The following GPC5 variants were observed in gnomAD, a reference collection of about 807,000 sequenced individuals.
GPC5 encodes the protein glypican 5.
Under a neutral mutation model 53.9 loss-of-function variants are expected in GPC5, and 47 were observed. That is an observed-to-expected ratio of 0.87 (90% CI 0.69 to 1.11). The LOEUF is 1.11. Ranked by LOEUF, GPC5 falls within the 50% of genes most tolerant of loss-of-function variation. The probability of loss-of-function intolerance (pLI) is 0.00; values close to 1 mark genes in which losing one functional copy is unlikely to be tolerated. For synonymous variants in GPC5, 286 were observed against 263.3 expected (o/e 1.09, Z -0.84); for missense variants, 748 against 713.1 (o/e 1.05, Z -0.56).
intron 7 of GPC5, among the ~76,000 whole-genome samples, chr13:92,552,341 A>G (rs1420119693): frequency 1.3e-5 from 2 of 151,980 alleles, no homozygotes; most frequent in Non-Finnish European, 2.9e-5. Flanking sequence ...AACAGAAAAA[A>G]GAAAAAGAAG....
intron 2 of GPC5, among the ~76,000 whole-genome samples, chr13:91,592,596 C>G (rs2032842700): frequency 6.6e-6 from 1 of 152,216 alleles, no homozygotes; most frequent in Non-Finnish European, 1.5e-5. Flanking sequence ...GGCTCCTCTC[C>G]TGCTCTGGTG....
chr13:91,516,741 A>G (rs1885521941), intron 2 of GPC5, among the ~76,000 whole-genome samples: 1 of 152,178 alleles, frequency 6.6e-6, no homozygotes, highest in Non-Finnish European at 1.5e-5. Context: ...GTTCTTCATG[A>G]GGGCCCTGCC....
At chr13:92,408,488 T>C in intron 7 of GPC5, among the ~76,000 whole-genome samples, 1 of 152,094 alleles carries the variant, frequency 6.6e-6, no homozygotes, top group Non-Finnish European at 1.5e-5. Flanking sequence ...GTTTTATATA[T>C]TTAAGTCATC....
intron 7 of GPC5, among the ~76,000 whole-genome samples, chr13:92,212,052 C>T (rs564865792): frequency 1.3e-5 from 2 of 151,170 alleles, no homozygotes; most frequent in South Asian, 4.2e-4. Flanking sequence ...GAGCCCTGTT[C>T]CGCAGGTGGT....
chr13:92,656,387 T>C (rs1886138270), intron 7 of GPC5, among the ~76,000 whole-genome samples: 1 of 151,960 alleles, frequency 6.6e-6, no homozygotes, highest in Non-Finnish European at 1.5e-5. Flanking sequence ...GGGGTAGAGA[T>C]GTGAAGGAGA....
chr13:92,039,847 T>C (rs9516005), intron 6 of GPC5, among the ~76,000 whole-genome samples: 365 of 152,318 alleles, frequency 2.4e-3, no homozygotes, highest in Non-Finnish European at 4.1e-3. Context: ...ATGAATTCGT[T>C]TTACCTTAAT....
At chr13:91,535,441 C>G (rs943631016) in intron 2 of GPC5, among the ~76,000 whole-genome samples, 2 of 152,148 alleles carry the variant, frequency 1.3e-5, no homozygotes, top group African/African-American at 4.8e-5. Flanking sequence ...TCTTGTCTGT[C>G]AAGAGAGTGA....
At chr13:91,546,829 A>G (rs1233480353) in intron 2 of GPC5, among the ~76,000 whole-genome samples, 12 of 152,126 alleles carry the variant, frequency 7.9e-5, no homozygotes, top group Non-Finnish European at 2.9e-5. Context: ...CCTTTAAAAA[A>G]GATCACCTTG....
chr13:92,275,154 A>G (rs1221387925), intron 7 of GPC5, among the ~76,000 whole-genome samples: 1 of 152,116 alleles, frequency 6.6e-6, no homozygotes, highest in Non-Finnish European at 1.5e-5. Flanking sequence ...TTCATAAAAC[A>G]TGGTCAGTTA....
intron 2 of GPC5, among the ~76,000 whole-genome samples, chr13:91,518,544 A>G (rs911120520): frequency 1.3e-5 from 2 of 152,008 alleles, no homozygotes; most frequent in Non-Finnish European, 2.9e-5. Flanking sequence ...CTAGATGGAG[A>G]ATTTCAGATT....
intron 2 of GPC5, among the ~76,000 whole-genome samples, chr13:91,561,209 T>A (rs953919055): frequency 2.0e-5 from 3 of 152,072 alleles, no homozygotes; most frequent in Non-Finnish European, 4.4e-5. Context: ...TGTGATTATT[T>A]TTTTCAGTTG....
chr13:91,946,878 T>C (rs575440249), intron 6 of GPC5, among the ~76,000 whole-genome samples: 9 of 152,228 alleles, frequency 5.9e-5, no homozygotes, highest in Non-Finnish European at 1.2e-4. Flanking sequence ...GACTTGTTCA[T>C]TTGAAATTAA....
intron 6 of GPC5, among the ~76,000 whole-genome samples, chr13:92,135,866 C>T (rs78116532): frequency 1.1e-3 from 167 of 152,264 alleles, no homozygotes; most frequent in African/African-American, 3.7e-3. Context: ...TTGTAAAGCG[C>T]GTTCGGCTTT....
chr13:92,645,157 A>G (rs947663919), intron 7 of GPC5, among the ~76,000 whole-genome samples: 1 of 152,106 alleles, frequency 6.6e-6, no homozygotes, highest in Non-Finnish European at 1.5e-5. Flanking sequence ...TTTAAAGTCA[A>G]TTCCTTTCTA....
intron 7 of GPC5, among the ~76,000 whole-genome samples, chr13:92,398,194 C>T (rs368229332): frequency 0.01 from 1,580 of 151,844 alleles, 19 homozygotes; most frequent in South Asian, 0.025. Flanking sequence ...CTTTGGGAGG[C>T]CGAGGCGGGC....
At chr13:92,015,916 A>G (rs144737344) in intron 6 of GPC5, among the ~76,000 whole-genome samples, 36 of 152,366 alleles carry the variant, frequency 2.4e-4, no homozygotes, top group Non-Finnish European at 4.3e-4. Context: ...AATAGCTTAT[A>G]TATTGTCCAT....
intron 2 of GPC5, among the ~76,000 whole-genome samples, chr13:91,618,318 C>G (rs922262292): frequency 1.3e-5 from 2 of 151,974 alleles, no homozygotes; most frequent in African/African-American, 4.8e-5. Context: ...TACAATTGCC[C>G]CCTTTTATGT....
Position 91,679,981 on chromosome 13 carries a change from T to G in GPC5, c.326-13206T>G, listed in dbSNP as rs2035469814. ...TGATTGACAGGCAAGCTATGGTAAT[T>G]CAGACTTAAGTATTTGGCAAACATT... On this transcript the variant is annotated intron_variant, in intron 2 of 7. Transcript: ENST00000377067. 2.0e-5 allele frequency among the ~76,000 whole-genome samples: 3 copies of G among 152,202 alleles called. No individual in the cohort carries two copies. The South Asian group carries it at 6.2e-4, about 32-fold the overall frequency.
At chr13:92,785,068 G>T (rs899365419) in intron 7 of GPC5, among the ~76,000 whole-genome samples, 3 of 152,106 alleles carry the variant, frequency 2.0e-5, no homozygotes, top group African/African-American at 7.2e-5. Context: ...CTTGAGGTCA[G>T]GAGTTGACAC....
Sources: allele counts gnomAD v4.1 joint callset (sites outside exome capture counted in the v4.1 genomes callset), GRCh38; gene constraint gnomAD v4.1.1; transcripts MANE v1.5; gene names NCBI Gene and HGNC (gene_info 2026-07-23, HGNC 2026-07-21).